IPO11: variants seen among roughly 807,000 people sequenced by gnomAD.
IPO11 encodes the protein importin-11.
A neutral mutation model predicts 143.2 loss-of-function variants in IPO11; 66 were observed. The observed-to-expected ratio is 0.46, with a 90% CI of 0.38 to 0.57. The LOEUF is 0.57. IPO11 is among the 20% of genes least tolerant of loss of function. The pLI is 0.00. For missense variants in IPO11, 1,026 were observed against 1,141.0 expected (o/e 0.90, Z 1.45); for synonymous variants, 385 against 377.8 (o/e 1.02, Z -0.22).
intron 1 of IPO11, among the ~76,000 whole-genome samples, chr5:62,434,996 GC>G (rs1744118796): frequency 6.7e-6 from 1 of 149,436 alleles, no homozygotes; most frequent in Admixed American, 6.8e-5. Flanking sequence ...CTGCACTGTA[GC>G]CTAGGCAACA....
At chr5:62,621,870 A>C (rs73110021) in intron 29 of IPO11, among the ~76,000 whole-genome samples, 3,932 of 152,200 alleles carry the variant, frequency 0.026, 172 homozygotes, top group African/African-American at 0.09. Context: ...GGAGGAGTCA[A>C]ACAATGATTA....
chr5:62,524,748 A>G (rs1742314293), intron 20 of IPO11, among the ~76,000 whole-genome samples: 1 of 152,178 alleles, frequency 6.6e-6, no homozygotes, highest in Non-Finnish European at 1.5e-5. Flanking sequence ...TACACTGGAG[A>G]ATTGCAGATA....
At chr5:62,477,065 T>C (rs1160060669) in intron 9 of IPO11, among the ~76,000 whole-genome samples, 1 of 152,148 alleles carries the variant, frequency 6.6e-6, no homozygotes, top group Non-Finnish European at 1.5e-5. Flanking sequence ...ATAAAGAAGA[T>C]AGCAGTGCAG....
At chr5:62,464,877 G>A (rs560540909) in intron 5 of IPO11, among the ~76,000 whole-genome samples, 4 of 152,332 alleles carry the variant, frequency 2.6e-5, no homozygotes, top group Admixed American at 2.6e-4. Context: ...AGACATTAAT[G>A]TTAACAGGTA....
intron 20 of IPO11, among the ~76,000 whole-genome samples, chr5:62,525,356 C>CTTTTTTTTT (rs70981021): frequency 6.9e-6 from 1 of 144,508 alleles, no homozygotes; most frequent in Non-Finnish European, 1.5e-5. Context: ...TCCTCCCATC[C>CTTTTTTTTT]TTTTTTTTTT....
intron 9 of IPO11, among the ~76,000 whole-genome samples, chr5:62,479,200 C>A (rs1746089932): frequency 6.6e-6 from 1 of 152,140 alleles, no homozygotes; most frequent in Admixed American, 6.5e-5. Flanking sequence ...GGTTTTCCGT[C>A]CTTGCGATAG....
chr5:62,506,775 A>G (rs1019022299), intron 19 of IPO11, among the ~76,000 whole-genome samples: 2 of 152,198 alleles, frequency 1.3e-5, no homozygotes, highest in African/African-American at 4.8e-5. Context: ...AAAATGAGGT[A>G]TAAAGCTCTT....
At chr5:62,547,396 C>T (rs1321213567) in intron 24 of IPO11, among the ~76,000 whole-genome samples, 1 of 152,108 alleles carries the variant, frequency 6.6e-6, no homozygotes, top group Non-Finnish European at 1.5e-5. Flanking sequence ...ACTGACATCA[C>T]AATTGTACCC....
rs139361652 is a variant in IPO11 at position 62,614,159 on chromosome 5, C to G, written c.2763+12311C>G. ...AAATAAAACACATAGAAAAGGAAAG[C>G]TTTTGGTATAGAAACTATTCAGATA... is the stretch of plus-strand genomic sequence containing the variant. On this transcript the variant is annotated intron_variant, in intron 29 of 29. Coordinates refer to ENST00000325324, the MANE Select transcript of IPO11 (RefSeq NM_016338.5). Among the ~76,000 whole-genome samples, 31 of 152,256 alleles carry G rather than the reference C, an allele frequency of 2.0e-4. No individual in the cohort carries two copies. In the East Asian group the frequency reaches 4.2e-3, roughly 21 times the overall value.
chr5:62,554,597 T>G (rs1006444170), intron 26 of IPO11, among the ~76,000 whole-genome samples: 1 of 152,068 alleles, frequency 6.6e-6, no homozygotes, highest in Non-Finnish European at 1.5e-5. Flanking sequence ...AATGTATGGA[T>G]TTATTTCTGG....
intron 5 of IPO11, among the ~76,000 whole-genome samples, chr5:62,456,039 T>G (rs1396817120): frequency 6.6e-6 from 1 of 151,998 alleles, no homozygotes; most frequent in Non-Finnish European, 1.5e-5. Flanking sequence ...ATTCATTTTC[T>G]TTTTTTTGAG....
intron 28 of IPO11, among the ~76,000 whole-genome samples, chr5:62,599,575 A>AT: frequency 6.6e-6 from 1 of 152,132 alleles, no homozygotes; most frequent in African/African-American, 2.4e-5. Flanking sequence ...AAAAGGTTTC[A>AT]TTTTTTCATG....
chr5:62,465,256 G>A (rs920198178), intron 5 of IPO11, among the ~76,000 whole-genome samples: 1 of 152,100 alleles, frequency 6.6e-6, no homozygotes, highest in African/African-American at 2.4e-5. Context: ...GGAAAGCTTA[G>A]GGTGTTGTAT....
At chr5:62,602,182 T>G (rs1044067724) in intron 29 of IPO11, among the ~76,000 whole-genome samples, 2 of 152,176 alleles carry the variant, frequency 1.3e-5, no homozygotes, top group Admixed American at 6.6e-5. Flanking sequence ...GAAATTTCCT[T>G]GCATTCCCTA....
intron 19 of IPO11, among the ~76,000 whole-genome samples, chr5:62,510,839 G>A (rs1179307564): frequency 1.3e-5 from 2 of 152,084 alleles, no homozygotes; most frequent in Non-Finnish European, 2.9e-5. Flanking sequence ...AGATTCAAGT[G>A]ATTCTCCTGC....
chr5:62,478,874 ATTG>A (rs1279391581), intron 9 of IPO11, among the ~76,000 whole-genome samples: 2 of 152,094 alleles, frequency 1.3e-5, no homozygotes, highest in Non-Finnish European at 2.9e-5. Context: ...CATTATAAGT[ATTG>A]TTCTGTATTG....
rs753746498 is a variant in IPO11, at chr5:62,550,420, A to G, written c.2304A>G (p.Gln768=). ...VNPILGPQMF[Q]PILPYVFKGI... ...CAATACTAGGTCCACAAATGTTTCAACCGATTTTACCCTATGTTTTCAAGG... is the reference window on the plus strand; with the variant it reads ...CAATACTAGGTCCACAAATGTTTCAGCCGATTTTACCCTATGTTTTCAAGG... Residue 768 remains glutamine, a synonymous_variant, in exon 25 of 30, where the codon CAA becomes CAG. Transcript: ENST00000325324. The G allele has an allele frequency of 2.5e-6, 4 of 1,613,274 alleles. No individual in the cohort carries two copies. The highest frequency in any genetic ancestry group is 2.5e-6 in the Non-Finnish European group (3 of 1,179,572).
chr5:62,453,359 TAAAG>T (rs1261229162), intron 5 of IPO11, among the ~76,000 whole-genome samples: 2 of 151,030 alleles, frequency 1.3e-5, no homozygotes, highest in East Asian at 3.9e-4. Context: ...GCTTCATTCT[TAAAG>T]AAAGAGATAG....
At chr5:62,511,450 G>A (rs897322782) in intron 19 of IPO11, among the ~76,000 whole-genome samples, 1 of 150,834 alleles carries the variant, frequency 6.6e-6, no homozygotes, top group African/African-American at 2.4e-5. Context: ...TGAAAATAAG[G>A]TATTACATGA....
Sources: gnomAD v4.1 joint callset for allele counts (sites outside exome capture counted in the v4.1 genomes callset) on GRCh38, gnomAD v4.1.1 for gene constraint, MANE v1.5 for transcripts, NCBI Gene and HGNC (gene_info 2026-07-23, HGNC 2026-07-21) for gene names.